Variants in GRM5 observed in about 807,000 individuals in gnomAD.
GRM5 encodes the protein metabotropic glutamate receptor 5.
Under a neutral mutation model 83.1 loss-of-function variants are expected in GRM5, and 19 were observed. The observed-to-expected ratio is 0.23, with a 90% CI of 0.16 to 0.34. The LOEUF is 0.34. GRM5 is among the 10% of genes least tolerant of loss of function. GRM5 has a pLI of 1.00. For synonymous variants in GRM5, 675 were observed against 633.6 expected, an observed-to-expected ratio of 1.07 and a Z score of -0.98; for missense variants, 1,160 against 1,588.3, an observed-to-expected ratio of 0.73 and a Z score of 4.58.
intron 8 of GRM5, among the ~76,000 whole-genome samples, chr11:88,536,883 A>T (rs1357520067): frequency 6.6e-6 from 1 of 152,206 alleles, no homozygotes; most frequent in Non-Finnish European, 1.5e-5. Flanking sequence ...TTTGAATAGC[A>T]TTCACATTAT....
At chr11:88,987,304 G>A (rs951191716) in intron 2 of GRM5, among the ~76,000 whole-genome samples, 1 of 152,136 alleles carries the variant, frequency 6.6e-6, no homozygotes, top group East Asian at 1.9e-4. Flanking sequence ...TTTCCGACGG[G>A]CTTAAAAAAC....
chr11:88,911,152 C>T (rs1945491046), intron 2 of GRM5, among the ~76,000 whole-genome samples: 1 of 151,926 alleles, frequency 6.6e-6, no homozygotes. Context: ...AAATATTTAC[C>T]ATAGAACATC....
intron 2 of GRM5, among the ~76,000 whole-genome samples, chr11:89,033,710 C>G (rs1234950253): frequency 6.6e-6 from 1 of 151,564 alleles, no homozygotes; most frequent in Non-Finnish European, 1.5e-5. Context: ...AATTTCCAGC[C>G]AAACATACTC....
chr11:89,001,563 A>C (rs1369007613), intron 2 of GRM5, among the ~76,000 whole-genome samples: 2 of 152,106 alleles, frequency 1.3e-5, no homozygotes, highest in Non-Finnish European at 2.9e-5. Flanking sequence ...TGGGTAGGGA[A>C]GTGAATGCTC....
chr11:88,555,214 C>T (rs777478481), intron 8 of GRM5, among the ~76,000 whole-genome samples: 3 of 152,094 alleles, frequency 2.0e-5, no homozygotes, highest in Non-Finnish European at 2.9e-5. Flanking sequence ...GTCCATTGTT[C>T]TCAAAGTGAA....
Position 88,905,939 on chromosome 11 carries a change from T to C in GRM5, c.662-55784A>G, listed in dbSNP as rs1323490462. 2.0e-5 allele frequency among the ~76,000 whole-genome samples: 3 copies of C among 152,176 alleles called. No homozygotes were observed. The East Asian group carries it at 5.8e-4, about 29-fold the overall frequency. Reference sequence around the variant, plus strand: ...CAAATCTTATTATACTTTAATATTTTAGAGAATAAAACAGGAGGGGAAGTC... The same window carrying C: ...CAAATCTTATTATACTTTAATATTTCAGAGAATAAAACAGGAGGGGAAGTC... On this transcript the variant is annotated intron_variant, in intron 2 of 9. Coordinates refer to ENST00000305447, the MANE Select transcript of GRM5 (RefSeq NM_001143831.3).
intron 2 of GRM5, among the ~76,000 whole-genome samples, chr11:88,968,783 G>A (rs1367282579): frequency 6.6e-6 from 1 of 152,006 alleles, no homozygotes; most frequent in Non-Finnish European, 1.5e-5. Flanking sequence ...ACCCTAAAAA[G>A]CCACTGAATT....
intron 3 of GRM5, among the ~76,000 whole-genome samples, chr11:88,817,542 A>T (rs540960232): frequency 6.6e-6 from 1 of 152,184 alleles, no homozygotes; most frequent in African/African-American, 2.4e-5. Flanking sequence ...AATTTCTTTG[A>T]CTAATGTTTA....
intron 3 of GRM5, among the ~76,000 whole-genome samples, chr11:88,770,582 T>C (rs1942714220): frequency 6.6e-6 from 1 of 152,152 alleles, no homozygotes; most frequent in Non-Finnish European, 1.5e-5. Context: ...AAATAGTTCC[T>C]GTTTTAACCT....
rs777932007 is a variant in GRM5 at position 88,798,825 on chromosome 11, A to AAAAAC, written c.911+51080_911+51081insGTTTT. Reference sequence around the variant, plus strand: ...AACACCAAAAAAAAAAAAAAAAAAAAAACAACAACAACAACAAAAAAAAAC... The same window carrying AAAAAC: ...AACACCAAAAAAAAAAAAAAAAAAAAAAAACAACAACAACAACAACAAAAAAAAAC... On this transcript the variant is annotated intron_variant, in intron 3 of 9. Transcript: ENST00000305447. Among the ~76,000 whole-genome samples, 196 of 145,092 alleles carry AAAAAC rather than the reference A, an allele frequency of 1.4e-3. 2 individuals are homozygous for AAAAAC. Among genetic ancestry groups the AAAAAC allele is most frequent in the Admixed American group, 0.011 (145 of 12,788 alleles).
chr11:88,821,106 A>G (rs908783530), intron 3 of GRM5, among the ~76,000 whole-genome samples: 2 of 152,150 alleles, frequency 1.3e-5, no homozygotes, highest in African/African-American at 4.8e-5. Context: ...GAATTCCCGA[A>G]AGGGCTCTAC....
At chr11:88,673,183 C>A (rs1195425283) in intron 3 of GRM5, among the ~76,000 whole-genome samples, 1 of 151,836 alleles carries the variant, frequency 6.6e-6, no homozygotes. Context: ...ATTAGGAGGC[C>A]ATTTCCATAA....
At chr11:88,542,094 T>C (rs1942280881) in intron 8 of GRM5, among the ~76,000 whole-genome samples, 1 of 152,212 alleles carries the variant, frequency 6.6e-6, no homozygotes, top group African/African-American at 2.4e-5. Flanking sequence ...ATTAAACCTC[T>C]TTCCTTTATA....
At chr11:88,539,964 C>A (rs770579258) in intron 8 of GRM5, among the ~76,000 whole-genome samples, 23 of 152,156 alleles carry the variant, frequency 1.5e-4, no homozygotes, top group Non-Finnish European at 3.2e-4. Flanking sequence ...TCTCACTACA[C>A]CGTAAAGTTT....
At chr11:88,599,784 CG>C (rs1432172895) in intron 5 of GRM5, among the ~76,000 whole-genome samples, 1 of 152,032 alleles carries the variant, frequency 6.6e-6, no homozygotes, top group Non-Finnish European at 1.5e-5. Context: ...GAGGCTGAGG[CG>C]GGCAGATCAT....
At chr11:88,855,439 G>A (rs1021437751) in intron 2 of GRM5, among the ~76,000 whole-genome samples, 4 of 151,648 alleles carry the variant, frequency 2.6e-5, no homozygotes, top group African/African-American at 9.7e-5. Flanking sequence ...GATTCCTTTA[G>A]GCTGGAGACT....
At chr11:88,527,424 C>A (rs1941906068) in intron 8 of GRM5, among the ~76,000 whole-genome samples, 1 of 152,032 alleles carries the variant, frequency 6.6e-6, no homozygotes, top group South Asian at 2.1e-4. Flanking sequence ...TGGAATAGAT[C>A]CTAAGCATCT....
intron 7 of GRM5, among the ~76,000 whole-genome samples, chr11:88,581,354 T>A (rs1943210230): frequency 6.6e-6 from 1 of 152,230 alleles, no homozygotes; most frequent in South Asian, 2.1e-4. Flanking sequence ...ACTACTGTTA[T>A]CTCAATTTTA....
intron 2 of GRM5, among the ~76,000 whole-genome samples, chr11:88,927,246 T>C (rs1590970667): frequency 2.4e-5 from 1 of 41,720 alleles, no homozygotes; most frequent in Non-Finnish European, 7.9e-5. Flanking sequence ...TCTAGGGCTA[T>C]TTACACGTAG....
Sources: allele counts gnomAD v4.1 joint callset (sites outside exome capture counted in the v4.1 genomes callset), GRCh38; gene constraint gnomAD v4.1.1; transcripts MANE v1.5; gene names NCBI Gene and HGNC (gene_info 2026-07-23, HGNC 2026-07-21).